The following ZNF778 variants were observed in gnomAD, a reference collection of about 807,000 sequenced individuals.
The protein encoded by ZNF778 is zinc finger protein 778.
In ZNF778, 37 loss-of-function variants were observed where a neutral mutation model predicts 23.9. The ratio of observed to expected loss-of-function variants is 1.54; its 90% CI spans 1.19 to 2.03. The LOEUF (loss-of-function observed/expected upper bound fraction) is 2.03, where lower values mean the gene tolerates loss of function less well. Ranked by LOEUF, ZNF778 falls within the 30% of genes most tolerant of loss-of-function variation. The pLI is 0.00. For missense variants in ZNF778, 1,297 were observed against 934.4 expected (o/e 1.39, Z -5.06); for synonymous variants, 483 against 343.9 (o/e 1.40, Z -4.48).
At chr16:89,226,035 C>G (rs754173884) in intron 6 of ZNF778, among the ~76,000 whole-genome samples, 3 of 152,114 alleles carry the variant, frequency 2.0e-5, no homozygotes, top group African/African-American at 7.2e-5. Flanking sequence ...CCTCAGCCTC[C>G]CAAGTAGCTG....
chr16:89,228,416 T>C lies in ZNF778; in HGVS notation c.2128T>C (p.Tyr710His). 1 of 1,614,000 alleles carries C rather than the reference T, an allele frequency of 6.2e-7. No homozygotes were observed. Among genetic ancestry groups the C allele is most frequent in the Non-Finnish European group, 8.5e-7 (1 of 1,179,896 alleles). The change falls in exon 7 of 7, where the codon TAC (tyrosine) becomes CAC (histidine). Residue 710 changes from tyrosine (Y) to histidine (H), a missense_variant. Physicochemically the swap from Tyr to His is moderately conservative, Grantham distance 83. Transcript: ENST00000433976. The part of the protein sequence containing the change: ...PYKCKECGKA[Y>H]NRFYLLKEHL... ...TAAATGTAAGGAATGTGGGAAAGCA[T>C]ACAATAGGTTTTATCTACTAAAAGA...
In ZNF778 at chr16:89,230,966, C is replaced by G. The variant is rs2031891839; in HGVS notation, c.*2404C>G. 1 of 151,826 alleles carries G rather than the reference C, an allele frequency of 6.6e-6. No homozygotes were observed. The highest frequency in any genetic ancestry group is 2.1e-4 in the South Asian group (1 of 4,810). 9.4% of individuals were successfully genotyped at this position (151,826 alleles called of 1,614,324 possible). On this transcript the variant is annotated 3_prime_UTR_variant, in exon 7 of 7. Coordinates refer to ENST00000433976, the MANE Select transcript of ZNF778 (RefSeq NM_001201407.2). Reference sequence around the variant, plus strand: ...GTGTTTAAAATTCTGGATGGACAGACCCGTGCACCTTCCTGTCACATGTTT... The same window carrying G: ...GTGTTTAAAATTCTGGATGGACAGAGCCGTGCACCTTCCTGTCACATGTTT...
In ZNF778 at chr16:89,227,258, C is replaced by G. The variant is rs1189483153; in HGVS notation, c.970C>G (p.Leu324Val). Residue 324 changes from leucine (L) to valine (V), a missense_variant, in exon 7 of 7, where the codon CTA becomes GTA. Transcript: ENST00000433976. The part of the protein sequence containing the change: ...CGKASPVSSS[L>V]TQHVRIHAAE... ...AAAAGCCTCCCCTGTTTCTTCCAGC[C>G]TAACTCAACATGTAAGAATTCATGC... The G allele has an allele frequency of 1.9e-6, 3 of 1,613,990 alleles. No individual in the cohort carries two copies. The highest frequency in any genetic ancestry group is 1.6e-4 in the Middle Eastern group (1 of 6,062).
intron 1 of ZNF778, chr16:89,218,225 C>T (rs1667662919): frequency 6.6e-6 from 1 of 152,190 alleles, no homozygotes; most frequent in African/African-American, 2.4e-5. Context: ...TGTATTTTTT[C>T]TCACGTTTTG....
In ZNF778 at chr16:89,231,456, C is replaced by T. The variant is rs4785629; in HGVS notation, c.*2894C>T. On this transcript the variant is annotated 3_prime_UTR_variant, in exon 7 of 7. Transcript: ENST00000433976. ...GGTGGAGACATCACCCCAGCACAGACCTCAATTAAGACGACTACCCCTCCG... is the reference window on the plus strand; with the variant it reads ...GGTGGAGACATCACCCCAGCACAGATCTCAATTAAGACGACTACCCCTCCG... 0.043 allele frequency: 6,577 copies of T among 152,298 alleles called. 255 individuals are homozygous for T. The highest frequency in any genetic ancestry group is 0.16 in the East Asian group (834 of 5,180). The allele number at this position is 152,298 out of a possible 1,614,324, so 9.4% of individuals were successfully genotyped here. A position where few individuals can be genotyped will look rare whatever the true frequency, so the allele number is the denominator to read the frequency against.
rs961010839 is a variant in ZNF778 at position 89,222,024 on chromosome 16, G to A, written c.26-68G>A. ...TTCCTGCTAGGATGGAATGACTTCC[G>A]GGTCCATGAGTGTGGAATTAGGGTC... On this transcript the variant is annotated intron_variant, in intron 2 of 6. Transcript: ENST00000433976. 23 of 1,136,242 alleles carry A rather than the reference G, an allele frequency of 2.0e-5. 1 individual carries two copies. The highest frequency in any genetic ancestry group is 3.2e-5 in the African/African-American group (2 of 63,460). The allele number at this position is 1,136,242 out of a possible 1,614,324, so 70.4% of individuals were successfully genotyped here.
In ZNF778 at chr16:89,225,553, A is replaced by T. The variant is rs762220007; in HGVS notation, c.329-2A>T. 1 of 1,600,182 alleles carries T rather than the reference A, an allele frequency of 6.2e-7. No individual in the cohort carries two copies. The highest frequency in any genetic ancestry group is 1.7e-5 in the Admixed American group (1 of 58,120). ...TTTTAGGTCATTCTTCTTTCTTTTCAGAATGGCGACTTAAAACCAAAGGGC... is the reference window on the plus strand; with the variant it reads ...TTTTAGGTCATTCTTCTTTCTTTTCTGAATGGCGACTTAAAACCAAAGGGC... On this transcript the variant is annotated splice_acceptor_variant, in intron 5 of 6. Coordinates refer to ENST00000433976, the MANE Select transcript of ZNF778 (RefSeq NM_001201407.2). LOFTEE classifies it high-confidence loss of function.
At chr16:89,224,952 C>T (rs2031333952) in intron 5 of ZNF778, 150 bp downstream of exon 5, 1 of 380,104 alleles carries the variant, frequency 2.6e-6, no homozygotes. Flanking sequence ...GTGGAAGAAT[C>T]CTGAGTGCAC....
chr16:89,218,246 T>C (rs2030550845), intron 1 of ZNF778: 1 of 152,180 alleles, frequency 6.6e-6, no homozygotes, highest in South Asian at 2.1e-4. Flanking sequence ...CTTTAGAAAA[T>C]CTGAATCTAA....
chr16:89,223,014 G>A (rs1382937473), intron 3 of ZNF778, 143 bp from the exon 4 acceptor site: 1 of 984,712 alleles, frequency 1.0e-6, no homozygotes, highest in African/African-American at 1.7e-5. Context: ...TGCGGGCAGA[G>A]AAGGGTTCCT....
intron 4 of ZNF778, 21 bp from the exon 5 acceptor site, chr16:89,224,698 T>C: frequency 6.6e-7 from 1 of 1,523,454 alleles, no homozygotes; most frequent in Non-Finnish European, 8.8e-7. Flanking sequence ...CTTCCATCGA[T>C]GTCTCTTTCC....
intron 3 of ZNF778, 68 bp downstream of exon 3, chr16:89,222,251 T>A: frequency 2.4e-6 from 3 of 1,275,992 alleles, no homozygotes; most frequent in Non-Finnish European, 3.3e-6. Flanking sequence ...AGTTTCTGTC[T>A]GAGCAGACTT....
intron 6 of ZNF778, 32 bp from the exon 7 acceptor site, chr16:89,226,662 C>T (rs1347856880): frequency 6.4e-7 from 1 of 1,566,818 alleles, no homozygotes; most frequent in Non-Finnish European, 8.7e-7. Flanking sequence ...GCCTCAGTAA[C>T]CCCCTGACCA....
rs1410414705 is a variant in ZNF778, at chr16:89,236,417, A to C, written c.*7855A>C. On this transcript the variant is annotated 3_prime_UTR_variant, in exon 7 of 7. Coordinates refer to ENST00000433976, the MANE Select transcript of ZNF778 (RefSeq NM_001201407.2). The stretch of plus-strand genomic sequence containing the variant: ...TGCTATATCCAACAAAATATCCTTT[A>C]GGAATGAAACAGAAGTAACGATGAG... 1 of 152,220 alleles carries C rather than the reference A, an allele frequency of 6.6e-6. No individual in the cohort carries two copies. The highest frequency in any genetic ancestry group is 2.4e-5 in the African/African-American group (1 of 41,458). The allele number at this position is 152,220 out of a possible 1,614,324, so 9.4% of individuals were successfully genotyped here.
Position 89,221,037 on chromosome 16 carries a change from G to A in ZNF778, c.-91G>A. The A allele has an allele frequency of 6.9e-7, 1 of 1,444,196 alleles. No individual in the cohort carries two copies. Among genetic ancestry groups the A allele is most frequent in the African/African-American group, 1.4e-5 (1 of 71,076 alleles). The allele number at this position is 1,444,196 out of a possible 1,614,324, so 89.5% of individuals were successfully genotyped here. A position where few individuals can be genotyped will look rare whatever the true frequency, so the allele number is the denominator to read the frequency against. On this transcript the variant is annotated 5_prime_UTR_variant, in exon 2 of 7. Coordinates refer to ENST00000433976, the MANE Select transcript of ZNF778 (RefSeq NM_001201407.2). ...CCATCCGTGGGTCAGGAGGAATGGA[G>A]ACTGTACCTTCCACATAGATTCACA... is the stretch of plus-strand genomic sequence containing the variant.
At chr16:89,225,114 T>G (rs946906556) in intron 5 of ZNF778, among the ~76,000 whole-genome samples, 10 of 14,392 alleles carry the variant, frequency 6.9e-4, no homozygotes, top group Non-Finnish European at 8.7e-4. Context: ...TTTGTGGGTT[T>G]TTTTTTTTTT....
rs1210684148 is a variant in ZNF778, at chr16:89,234,121, G to A, written c.*5559G>A. 1 of 488,936 alleles carries A rather than the reference G, an allele frequency of 2.0e-6. No individual in the cohort carries two copies. The highest frequency in any genetic ancestry group is 2.0e-5 in the African/African-American group (1 of 50,854). The allele number at this position is 488,936 out of a possible 1,614,324, so 30.3% of individuals were successfully genotyped here. On this transcript the variant is annotated 3_prime_UTR_variant, in exon 7 of 7. Coordinates refer to ENST00000433976, the MANE Select transcript of ZNF778 (RefSeq NM_001201407.2). ...ATGTGCCGCCTTCTCTTGACACTGT[G>A]AGTGATAAACTTTCCATGTCAGGAA...
intron 2 of ZNF778, among the ~76,000 whole-genome samples, chr16:89,221,607 G>A (rs2030955560): frequency 6.8e-6 from 1 of 146,116 alleles, no homozygotes; most frequent in African/African-American, 2.6e-5. Context: ...GTGTGTGTGT[G>A]TGTGTATTTT....
Position 89,226,831 on chromosome 16 carries a change from C to T in ZNF778, c.543C>T (p.Asp181=), listed in dbSNP as rs760651306. 35 of 1,613,864 alleles carry T rather than the reference C, an allele frequency of 2.2e-5. 1 individual carries two copies. The South Asian group carries it at 3.8e-4, about 18-fold the overall frequency. The change falls in exon 7 of 7, where the codon GAC becomes GAT. Residue 181 remains aspartate (D), a synonymous_variant. Transcript: ENST00000433976. ...DSCVSNHYER[D]FFIPCQKTLF... is the part of the protein sequence containing the mutation. The stretch of plus-strand genomic sequence containing the variant: ...GTGTGTCTAATCATTATGAAAGGGA[C>T]TTTTTTATTCCATGCCAGAAAACCT...
Sources: allele counts gnomAD v4.1 joint callset (sites outside exome capture counted in the v4.1 genomes callset), GRCh38; gene constraint gnomAD v4.1.1; transcripts MANE v1.5; gene names NCBI Gene and HGNC (gene_info 2026-07-23, HGNC 2026-07-21).